The following EPB41L4A variants were observed in gnomAD, a reference collection of about 807,000 sequenced individuals.
EPB41L4A encodes erythrocyte membrane protein band 4.1 like 4A, also known as band 4.1-like protein 4A.
EPB41L4A carries 100 observed loss-of-function variants against 108.6 expected under a neutral mutation model. The observed-to-expected ratio is 0.92, with a 90% CI of 0.78 to 1.09. The LOEUF is 1.09. EPB41L4A is among the 50% of genes least tolerant of loss of function. The pLI is 0.00. For missense variants in EPB41L4A, 1,030 were observed against 842.7 expected, an observed-to-expected ratio of 1.22 and a Z score of -2.75; for synonymous variants, 319 against 289.0, an observed-to-expected ratio of 1.10 and a Z score of -1.05.
intron 4 of EPB41L4A, among the ~76,000 whole-genome samples, chr5:112,269,733 C>T (rs542334454): frequency 6.6e-6 from 1 of 152,216 alleles, no homozygotes; most frequent in South Asian, 2.1e-4. Context: ...TTACATTGTA[C>T]CATACTGGGG....
At chr5:112,329,898 C>G (rs1318786022) in intron 1 of EPB41L4A, among the ~76,000 whole-genome samples, 2 of 152,034 alleles carry the variant, frequency 1.3e-5, no homozygotes, top group East Asian at 3.9e-4. Context: ...TGGTACTCTA[C>G]CAAGCATCCT....
intron 1 of EPB41L4A, among the ~76,000 whole-genome samples, chr5:112,318,650 C>T (rs1338052421): frequency 1.3e-5 from 2 of 152,110 alleles, no homozygotes; most frequent in Non-Finnish European, 2.9e-5. Context: ...CTGTCCTGAC[C>T]AACAAGTCAT....
chr5:112,383,354 G>C (rs73214243), intron 1 of EPB41L4A, among the ~76,000 whole-genome samples: 3,536 of 152,166 alleles, frequency 0.023, 146 homozygotes, highest in African/African-American at 0.081. Flanking sequence ...CATTTAAAAC[G>C]TAACCAAAAA....
At position 112,204,435 on chromosome 5, in the gene EPB41L4A, G is replaced by A. The variant is rs201974109; in HGVS notation, c.1316C>T (p.Thr439Met). 1.7e-5 allele frequency: 28 copies of A among 1,613,936 alleles called. No homozygotes were observed. The Middle Eastern group carries it at 4.9e-4, about 29-fold the overall frequency. ...TCCACAGGAGGGGTTTCGGCGACGCGTGTAAGGGAACTTTGGCGACTTAGT... is the reference window on the plus strand; with the variant it reads ...TCCACAGGAGGGGTTTCGGCGACGCATGTAAGGGAACTTTGGCGACTTAGT... ...DRTKSPKFPYTRRRNPSCGSD... is the reference protein window; with the variant it reads ...DRTKSPKFPYMRRRNPSCGSD... The change falls in exon 15 of 23, where the codon ACG becomes ATG. Residue 439 changes from threonine to methionine, a missense_variant. Physicochemically the swap from Thr to Met is moderately conservative, Grantham distance 81. Transcript: ENST00000261486.
Position 112,164,965 on chromosome 5 carries a change from C to T in EPB41L4A, c.*25G>A. The stretch of plus-strand genomic sequence containing the variant: ...CCAGTGGCGCACACAACCTTCCCAC[C>T]CCTACCCTTGACCCTTCATCAGGAT... On this transcript the variant is annotated 3_prime_UTR_variant, in exon 23 of 23. Coordinates refer to ENST00000261486, the MANE Select transcript of EPB41L4A (RefSeq NM_022140.5). 6.3e-7 allele frequency: 1 copy of T among 1,598,642 alleles called. No individual in the cohort carries two copies. Among genetic ancestry groups the T allele is most frequent in the Non-Finnish European group, 8.5e-7 (1 of 1,174,468 alleles).
intron 1 of EPB41L4A, among the ~76,000 whole-genome samples, chr5:112,320,515 T>C (rs1199301695): frequency 6.6e-6 from 1 of 152,136 alleles, no homozygotes; most frequent in African/African-American, 2.4e-5. Flanking sequence ...GCAGTAACAG[T>C]GGGGCAGGGG....
intron 1 of EPB41L4A, among the ~76,000 whole-genome samples, chr5:112,308,381 A>C (rs1028757675): frequency 3.9e-5 from 6 of 152,180 alleles, no homozygotes; most frequent in African/African-American, 1.4e-4. Flanking sequence ...TATGGTGAGC[A>C]CTTAATACTG....
In EPB41L4A at chr5:112,215,774, A is replaced by AAC. The variant is rs1193688060; in HGVS notation, c.1088-5793_1088-5792insGT. Among the ~76,000 whole-genome samples, 20 of 147,428 alleles carry AAC rather than the reference A, an allele frequency of 1.4e-4. No homozygotes were observed. In the East Asian group the frequency reaches 3.1e-3, roughly 23 times the overall value. ...TGAGACTCCATCTCAAAAAAAAAAA[A>AAC]AAACAAAAAAAACAAAAAAAAAACA... On this transcript the variant is annotated intron_variant, in intron 12 of 22. Coordinates refer to ENST00000261486, the MANE Select transcript of EPB41L4A (RefSeq NM_022140.5).
intron 18 of EPB41L4A, 41 bp downstream of exon 18, chr5:112,183,975 T>C (rs748748361): frequency 1.2e-6 from 2 of 1,611,120 alleles, no homozygotes; most frequent in African/African-American, 2.7e-5. Context: ...CTACTTCAAA[T>C]TCAGTGTTTT....
At chr5:112,206,459 T>C (rs1021642331) in intron 13 of EPB41L4A, among the ~76,000 whole-genome samples, 1 of 152,094 alleles carries the variant, frequency 6.6e-6, no homozygotes, top group Non-Finnish European at 1.5e-5. Context: ...ATATAACCCA[T>C]AGTATTAGTA....
At chr5:112,152,725 C>G (rs567436459) in intron 12 of EPB41L4A, among the ~76,000 whole-genome samples, 1 of 151,190 alleles carries the variant, frequency 6.6e-6, no homozygotes, top group Non-Finnish European at 1.5e-5. Context: ...TATAAGGACA[C>G]AAAAATGGAA....
chr5:112,204,978 C>T (rs1762402591), intron 14 of EPB41L4A, among the ~76,000 whole-genome samples: 1 of 152,128 alleles, frequency 6.6e-6, no homozygotes, highest in Non-Finnish European at 1.5e-5. Context: ...AGTTACAACA[C>T]AGGTCTGTCA....
intron 1 of EPB41L4A, among the ~76,000 whole-genome samples, chr5:112,391,404 AGG>A (rs112964605): frequency 0.27 from 41,484 of 151,988 alleles, 7,788 homozygotes; most frequent in African/African-American, 0.53. Flanking sequence ...GGAGCTGAAA[AGG>A]CCATGGCACA....
chr5:112,307,332 A>G, intron 2 of EPB41L4A, 54 bp downstream of exon 2: 1 of 1,176,304 alleles, frequency 8.5e-7, no homozygotes, highest in Non-Finnish European at 1.3e-6. Flanking sequence ...GAAAAGCCAG[A>G]GATAGAGTGA....
chr5:112,226,675 G>C (rs900978406), intron 12 of EPB41L4A, among the ~76,000 whole-genome samples: 1 of 149,584 alleles, frequency 6.7e-6, no homozygotes, highest in South Asian at 2.1e-4. Flanking sequence ...GGGAGGAGAG[G>C]AGGGTAGAGA....
At chr5:112,417,548 G>A (rs1472669677) in intron 1 of EPB41L4A, among the ~76,000 whole-genome samples, 1 of 152,134 alleles carries the variant, frequency 6.6e-6, no homozygotes, top group South Asian at 2.1e-4. Context: ...ACATCATCTT[G>A]TAAGTTACAA....
intron 12 of EPB41L4A, among the ~76,000 whole-genome samples, chr5:112,233,442 T>C (rs1474415277): frequency 2.0e-5 from 3 of 152,236 alleles, no homozygotes; most frequent in Non-Finnish European, 4.4e-5. Context: ...TATATGTCCA[T>C]AAGTATGGAT....
intron 15 of EPB41L4A, 131 bp downstream of exon 15, chr5:112,204,244 A>G (rs538440269): frequency 1.3e-5 from 8 of 601,134 alleles, no homozygotes; most frequent in South Asian, 2.8e-5. Flanking sequence ...TTTTATGTCA[A>G]AAAGAGTAAG....
chr5:112,409,571 G>C (rs1480987905), intron 1 of EPB41L4A, among the ~76,000 whole-genome samples: 2 of 152,144 alleles, frequency 1.3e-5, no homozygotes, highest in East Asian at 3.9e-4. Flanking sequence ...CCTAGAAAAC[G>C]GAAAGGAGAG....
Sources: allele counts gnomAD v4.1 joint callset (sites outside exome capture counted in the v4.1 genomes callset), GRCh38; gene constraint gnomAD v4.1.1; transcripts MANE v1.5; gene names NCBI Gene and HGNC (gene_info 2026-07-23, HGNC 2026-07-21).